CATSPERB: variants seen among roughly 807,000 people sequenced by gnomAD.
CATSPERB encodes the protein cation channel sperm-associated auxiliary subunit beta.
In CATSPERB, 93 loss-of-function variants were observed where a neutral mutation model predicts 128.3. The observed-to-expected ratio is 0.72, with a 90% CI of 0.61 to 0.86. The LOEUF is 0.86. CATSPERB is among the 40% of genes least tolerant of loss of function. CATSPERB has a pLI of 0.00. For synonymous variants in CATSPERB, 381 were observed against 448.8 expected (o/e 0.85, Z 1.91); for missense variants, 1,153 against 1,329.5 (o/e 0.87, Z 2.06).
intron 26 of CATSPERB, among the ~76,000 whole-genome samples, chr14:91,585,260 C>A (rs1387569305): frequency 6.6e-6 from 1 of 152,156 alleles, no homozygotes; most frequent in African/African-American, 2.4e-5. Context: ...AGCGATCCAC[C>A]CACCTTGGCC....
At chr14:91,635,851 G>A (rs540011845) in intron 17 of CATSPERB, 2 of 152,340 alleles carry the variant, frequency 1.3e-5, no homozygotes, top group African/African-American at 2.4e-5. Context: ...TCAGTGGATA[G>A]GAAGTATCCA....
chr14:91,639,867 C>G (rs886772699), intron 15 of CATSPERB, among the ~76,000 whole-genome samples: 5 of 152,032 alleles, frequency 3.3e-5, no homozygotes, highest in Admixed American at 2.6e-4. Flanking sequence ...TGCATCCCAC[C>G]CAAACCCACC....
chr14:91,648,907 C>T (rs1894654204), intron 15 of CATSPERB, among the ~76,000 whole-genome samples: 1 of 152,014 alleles, frequency 6.6e-6, no homozygotes, highest in Non-Finnish European at 1.5e-5. Flanking sequence ...TGCTTCAAGG[C>T]CGCTCACCCA....
chr14:91,587,083 T>A, intron 26 of CATSPERB, 119 bp downstream of exon 26: 1 of 720,934 alleles, frequency 1.4e-6, no homozygotes, highest in South Asian at 2.0e-5. Flanking sequence ...TCCCCTGTCT[T>A]TAAGCCTTGT....
chr14:91,700,145 A>G (rs1427777370), intron 7 of CATSPERB, among the ~76,000 whole-genome samples: 2 of 151,814 alleles, frequency 1.3e-5, no homozygotes, highest in Non-Finnish European at 2.9e-5. Context: ...ATAGGTTCTC[A>G]TTGTTCAACT....
At chr14:91,633,517 C>T (rs964038303) in intron 17 of CATSPERB, among the ~76,000 whole-genome samples, 8 of 151,998 alleles carry the variant, frequency 5.3e-5, no homozygotes, top group African/African-American at 1.7e-4. Context: ...AGGTAAACTT[C>T]CTACATGAAC....
intron 17 of CATSPERB, among the ~76,000 whole-genome samples, chr14:91,633,331 G>C (rs1894310468): frequency 3.9e-5 from 6 of 151,902 alleles, no homozygotes; most frequent in Admixed American, 2.6e-4. Flanking sequence ...GAATGGCCTA[G>C]TCCTAGGCCA....
chr14:91,723,935 A>G (rs1896076209), intron 3 of CATSPERB, among the ~76,000 whole-genome samples: 1 of 152,214 alleles, frequency 6.6e-6, no homozygotes, highest in Admixed American at 6.5e-5. Flanking sequence ...AATATAGAAT[A>G]CATTATAAGA....
intron 19 of CATSPERB, among the ~76,000 whole-genome samples, chr14:91,619,861 TTGTGTGTGTGTG>T (rs55687285): frequency 0.13 from 17,801 of 139,008 alleles, 1,218 homozygotes; most frequent in Non-Finnish European, 0.16. Flanking sequence ...TGTAATAAAA[TTGTGTGTGTGTG>T]TGTGTGTGTG....
At chr14:91,603,302 T>A in intron 22 of CATSPERB, 2 of 1,489,110 alleles carry the variant, frequency 1.3e-6, no homozygotes, top group South Asian at 2.3e-5. Context: ...GTGGCACTGG[T>A]TTATAATCTG....
At chr14:91,671,417 A>G (rs1895085392) in intron 13 of CATSPERB, among the ~76,000 whole-genome samples, 1 of 152,040 alleles carries the variant, frequency 6.6e-6, no homozygotes, top group South Asian at 2.1e-4. Flanking sequence ...CTACTAAAAA[A>G]TACAAAAATT....
chr14:91,708,510 TA>T (rs1359577845), intron 5 of CATSPERB, among the ~76,000 whole-genome samples: 1 of 152,202 alleles, frequency 6.6e-6, no homozygotes. Context: ...AGGGGCTTGA[TA>T]AAAAGCAAAT....
chr14:91,712,647 T>C (rs1208473952), intron 5 of CATSPERB, among the ~76,000 whole-genome samples: 4 of 152,234 alleles, frequency 2.6e-5, no homozygotes, highest in Admixed American at 1.3e-4. Flanking sequence ...ATTTTTACTT[T>C]ATAATAATTT....
chr14:91,686,226 T>C (rs10135444), intron 10 of CATSPERB, among the ~76,000 whole-genome samples: 41,307 of 152,072 alleles, frequency 0.27, 5,973 homozygotes, highest in East Asian at 0.47. Context: ...TATTTGTTTG[T>C]GTATTTTTTA....
chr14:91,668,559 G>A (rs8011963), intron 14 of CATSPERB, among the ~76,000 whole-genome samples: 58,771 of 151,872 alleles, frequency 0.39, 11,534 homozygotes, highest in Middle Eastern at 0.5. Flanking sequence ...CAAGCTACTC[G>A]GGACCCCTTC....
At chr14:91,618,055 G>A (rs1595149075) in intron 19 of CATSPERB, among the ~76,000 whole-genome samples, 1 of 152,196 alleles carries the variant, frequency 6.6e-6, no homozygotes, top group Admixed American at 6.5e-5. Flanking sequence ...AGAGCTGGTG[G>A]TTGCCCATTT....
intron 2 of CATSPERB, among the ~76,000 whole-genome samples, chr14:91,727,060 T>C (rs1354140185): frequency 6.6e-6 from 1 of 152,236 alleles, no homozygotes; most frequent in Non-Finnish European, 1.5e-5. Flanking sequence ...ATTTGACTTG[T>C]ACATGGGCTT....
intron 15 of CATSPERB, among the ~76,000 whole-genome samples, chr14:91,647,269 T>A (rs1566717325): frequency 6.6e-6 from 1 of 152,178 alleles, no homozygotes; most frequent in Non-Finnish European, 1.5e-5. Context: ...CTCTGATTAA[T>A]CTTTATCGTA....
Position 91,693,322 on chromosome 14 carries a change from A to C in CATSPERB, c.712+62T>G, listed in dbSNP as rs1895502602. 5.2e-6 allele frequency: 8 copies of C among 1,539,528 alleles called. No individual in the cohort carries two copies. The Admixed American group carries it at 1.4e-4, about 26-fold the overall frequency. ...TTACTGAAGCAAAGACATTTTATAG[A>C]TATTAATCAAATATTGATGTAAGTA... is the stretch of plus-strand genomic sequence containing the variant. On this transcript the variant is annotated intron_variant, in intron 8 of 26. Transcript: ENST00000256343.
Sources: allele counts gnomAD v4.1 joint callset (sites outside exome capture counted in the v4.1 genomes callset), GRCh38; gene constraint gnomAD v4.1.1; transcripts MANE v1.5; gene names NCBI Gene and HGNC (gene_info 2026-07-23, HGNC 2026-07-21).